The following OR9Q1 variants were observed in gnomAD, a reference collection of about 807,000 sequenced individuals.
The protein encoded by OR9Q1 is olfactory receptor 9Q1.
For synonymous variants in OR9Q1, 153 were observed against 148.6 expected, an observed-to-expected ratio of 1.03 and a Z score of -0.22; for missense variants, 374 against 378.8, an observed-to-expected ratio of 0.99 and a Z score of 0.11.
intron 2 of OR9Q1, among the ~76,000 whole-genome samples, chr11:58,103,160 A>G (rs1007542703): frequency 1.2e-4 from 18 of 152,258 alleles, no homozygotes; most frequent in Non-Finnish European, 1.0e-4. Flanking sequence ...GGAAACTTAC[A>G]ATCATGGCAG....
At chr11:58,065,017 T>C (rs1853414886) in intron 2 of OR9Q1, among the ~76,000 whole-genome samples, 1 of 151,888 alleles carries the variant, frequency 6.6e-6, no homozygotes, top group East Asian at 1.9e-4. Context: ...GGTGGGCAGA[T>C]AGACACACAC....
chr11:58,100,838 A>G (rs1853776860), intron 2 of OR9Q1, among the ~76,000 whole-genome samples: 2 of 152,168 alleles, frequency 1.3e-5, no homozygotes, highest in South Asian at 2.1e-4. Context: ...TCATCCATAT[A>G]AAAGAATGAA....
intron 2 of OR9Q1, among the ~76,000 whole-genome samples, chr11:58,174,483 A>G (rs1419674823): frequency 2.6e-5 from 4 of 152,004 alleles, no homozygotes; most frequent in African/African-American, 9.7e-5. Flanking sequence ...TAAGTACCCC[A>G]TGGTCAAATA....
intron 2 of OR9Q1, among the ~76,000 whole-genome samples, chr11:58,129,743 G>A (rs1565085072): frequency 6.6e-6 from 1 of 151,912 alleles, no homozygotes; most frequent in Non-Finnish European, 1.5e-5. Context: ...CCCTTTCTCT[G>A]TCGCTACTCC....
At chr11:58,059,499 C>T (rs1193318813) in intron 2 of OR9Q1, among the ~76,000 whole-genome samples, 1 of 151,702 alleles carries the variant, frequency 6.6e-6, no homozygotes, top group South Asian at 2.1e-4. Flanking sequence ...AGTTCGAGAC[C>T]AGCCTGGCCA....
At position 58,181,490 on chromosome 11, in the gene OR9Q1, T is replaced by A. The variant is rs568623984; in HGVS notation, c.*1113T>A. The A allele has an allele frequency of 6.1e-6, 1 of 165,126 alleles. No homozygotes were observed. Among genetic ancestry groups the A allele is most frequent in the East Asian group, 2.0e-4 (1 of 5,064 alleles). 10.2% of individuals were successfully genotyped at this position (165,126 alleles called of 1,614,324 possible). ...AGGCACTGGAAGAGAGCAGGCCCCA[T>A]CTATTAATTTTTTTTCATTTAAACA... On this transcript the variant is annotated 3_prime_UTR_variant, in exon 3 of 3. Transcript: ENST00000335397.
chr11:58,099,076 T>C (rs746549479), intron 2 of OR9Q1, among the ~76,000 whole-genome samples: 41 of 151,992 alleles, frequency 2.7e-4, no homozygotes, highest in Non-Finnish European at 4.1e-4. Context: ...TGTGATTTAT[T>C]AAACCTGACC....
intron 2 of OR9Q1, among the ~76,000 whole-genome samples, chr11:58,139,197 G>A (rs112289887): frequency 2.0e-5 from 3 of 151,954 alleles, no homozygotes; most frequent in Non-Finnish European, 4.4e-5. Context: ...ACAAATAAAT[G>A]ATATTGGATA....
chr11:58,063,094 T>C (rs1226390018), intron 2 of OR9Q1, among the ~76,000 whole-genome samples: 1 of 152,164 alleles, frequency 6.6e-6, no homozygotes, highest in East Asian at 1.9e-4. Flanking sequence ...CAGTAAACAT[T>C]TGGAAATAGT....
At chr11:58,136,097 A>G (rs1188878684) in intron 2 of OR9Q1, among the ~76,000 whole-genome samples, 3 of 152,188 alleles carry the variant, frequency 2.0e-5, no homozygotes, top group Non-Finnish European at 4.4e-5. Context: ...TTAAAAGAGC[A>G]GACAATCTTG....
At chr11:58,118,294 A>G in intron 2 of OR9Q1, 1 of 508,664 alleles carries the variant, frequency 2.0e-6, no homozygotes, top group Non-Finnish European at 3.5e-6. Context: ...GAATGGATTG[A>G]AAGTGGAAGA....
chr11:58,154,379 A>T (rs1273696540), intron 2 of OR9Q1, among the ~76,000 whole-genome samples: 4 of 140,966 alleles, frequency 2.8e-5, no homozygotes, highest in Admixed American at 7.1e-5. Flanking sequence ...AATGCAATGG[A>T]TTTTTTTTTT....
At chr11:58,097,715 A>G (rs183537480) in intron 2 of OR9Q1, among the ~76,000 whole-genome samples, 212 of 152,356 alleles carry the variant, frequency 1.4e-3, no homozygotes, top group Non-Finnish European at 2.3e-3. Context: ...CTAAATGTTC[A>G]TCAGCAGGTG....
intron 2 of OR9Q1, among the ~76,000 whole-genome samples, chr11:58,157,760 G>A (rs950023517): frequency 5.9e-5 from 9 of 152,146 alleles, no homozygotes; most frequent in Non-Finnish European, 5.9e-5. Flanking sequence ...TTCCTAATGA[G>A]GCTTGAAATA....
At chr11:58,091,092 A>G (rs1361907396) in intron 2 of OR9Q1, among the ~76,000 whole-genome samples, 2 of 151,510 alleles carry the variant, frequency 1.3e-5, no homozygotes. Context: ...TAAAAAAAAC[A>G]AGCTCCAGGA....
At chr11:58,142,927 AC>A (rs1854264437) in intron 2 of OR9Q1, among the ~76,000 whole-genome samples, 1 of 152,160 alleles carries the variant, frequency 6.6e-6, no homozygotes, top group African/African-American at 2.4e-5. Flanking sequence ...GAACTTGGAA[AC>A]CAGGCCATGT....
At chr11:58,128,254 TAA>T (rs56238213) in intron 2 of OR9Q1, among the ~76,000 whole-genome samples, 4 of 126,228 alleles carry the variant, frequency 3.2e-5, no homozygotes, top group African/African-American at 5.9e-5. Context: ...CAAGAAAAAC[TAA>T]AAAAAAAAAA....
chr11:58,149,792 T>G (rs1854331750), intron 2 of OR9Q1, among the ~76,000 whole-genome samples: 1 of 152,226 alleles, frequency 6.6e-6, no homozygotes, highest in Admixed American at 6.5e-5. Flanking sequence ...ATATCAGAAC[T>G]CCACTGCTTT....
At chr11:58,106,551 A>G (rs1426580100) in intron 2 of OR9Q1, among the ~76,000 whole-genome samples, 1 of 151,910 alleles carries the variant, frequency 6.6e-6, no homozygotes, top group East Asian at 1.9e-4. Flanking sequence ...TTTTGGTGTC[A>G]TTATCTATGA....
Sources: allele counts gnomAD v4.1 joint callset (sites outside exome capture counted in the v4.1 genomes callset), GRCh38; gene constraint gnomAD v4.1.1; transcripts MANE v1.5; gene names NCBI Gene and HGNC (gene_info 2026-07-23, HGNC 2026-07-21).